RYR2: variants seen among roughly 807,000 people sequenced by gnomAD.
The protein encoded by RYR2 is cardiac muscle ryanodine receptor-calcium release channel.
A neutral mutation model predicts 601.1 loss-of-function variants in RYR2; 227 were observed. That is an observed-to-expected ratio of 0.38 (90% CI 0.34 to 0.42). The LOEUF is 0.42. Ranked by LOEUF, RYR2 falls within the 10% of genes least tolerant of loss-of-function variation. The pLI, the probability that RYR2 is intolerant of heterozygous loss-of-function variation, is 1.00. For missense variants in RYR2, 4,646 were observed against 6,156.5 expected, an observed-to-expected ratio of 0.75 and a Z score of 8.21; for synonymous variants, 2,223 against 2,175.1, an observed-to-expected ratio of 1.02 and a Z score of -0.61.
chr1:237,055,980 GAGCACTGCATCTGTGAGGACTGC>G (rs1263116033), intron 1 of RYR2, among the ~76,000 whole-genome samples: 1 of 151,326 alleles, frequency 6.6e-6, no homozygotes, highest in Non-Finnish European at 1.5e-5. Context: ...GAGAGGACTG[GAGCACTGCATCTGTGAGGACTGC>G]AGCACTGCAC....
intron 1 of RYR2, among the ~76,000 whole-genome samples, chr1:237,064,751 CTTTTTTTTTTTTTTT>C (rs551797601): frequency 3.6e-5 from 4 of 110,008 alleles, no homozygotes; most frequent in African/African-American, 1.2e-4. Flanking sequence ...TAGAACCTGT[CTTTTTTTTTTTTTTT>C]TTTTTTTTTT....
chr1:237,472,108 G>C (rs1660792047), intron 17 of RYR2, among the ~76,000 whole-genome samples: 1 of 152,110 alleles, frequency 6.6e-6, no homozygotes, highest in African/African-American at 2.4e-5. Flanking sequence ...TTAATGAACT[G>C]TTTTTTCTCC....
intron 32 of RYR2, among the ~76,000 whole-genome samples, chr1:237,592,288 G>T (rs759015028): frequency 6.6e-6 from 1 of 152,122 alleles, no homozygotes; most frequent in Non-Finnish European, 1.5e-5. Context: ...TGTGTTCATT[G>T]TAGAGTGATC....
chr1:237,624,694 C>T (rs1353723486), intron 39 of RYR2, among the ~76,000 whole-genome samples: 1 of 152,114 alleles, frequency 6.6e-6, no homozygotes, highest in Non-Finnish European at 1.5e-5. Context: ...AGTCTCCCCT[C>T]CTTTTATTCT....
chr1:237,398,844 G>C (rs965345654), intron 10 of RYR2, among the ~76,000 whole-genome samples: 21 of 152,170 alleles, frequency 1.4e-4, no homozygotes, highest in African/African-American at 5.1e-4. Context: ...ATCAGCTGTG[G>C]TATGTCCATA....
At chr1:237,122,536 G>T (rs900071337) in intron 1 of RYR2, among the ~76,000 whole-genome samples, 3 of 152,154 alleles carry the variant, frequency 2.0e-5, no homozygotes, top group Non-Finnish European at 4.4e-5. Context: ...AGAACAATCA[G>T]CCAGGCGTGG....
In RYR2 at chr1:237,511,691, A is replaced by G; in HGVS notation, c.2722A>G (p.Arg908Gly). 6.4e-7 allele frequency: 1 copy of G among 1,563,902 alleles called. No individual in the cohort carries two copies. Among genetic ancestry groups the G allele is most frequent in the Non-Finnish European group, 8.7e-7 (1 of 1,152,400 alleles). Reference protein sequence around the residue: ...IELGWQYGPVRDDNKRQHPCL... With the variant: ...IELGWQYGPVGDDNKRQHPCL... ...TCAATTTCCTGTCCTGTTTCAGGTT[A>G]GAGATGACAACAAGAGACAACACCC... Residue 908 changes from arginine to glycine, a missense_variant, in exon 24 of 105, where the codon AGA becomes GGA. Transcript: ENST00000366574.
chr1:237,440,744 G>A (rs1019022413), intron 12 of RYR2, among the ~76,000 whole-genome samples: 7 of 152,090 alleles, frequency 4.6e-5, no homozygotes, highest in East Asian at 1.9e-4. Context: ...CGTTGTCACC[G>A]TTATTATTGT....
At chr1:237,299,412 G>A (rs1693129346) in intron 2 of RYR2, among the ~76,000 whole-genome samples, 1 of 152,154 alleles carries the variant, frequency 6.6e-6, no homozygotes, top group Non-Finnish European at 1.5e-5. Context: ...GGGTTAATAA[G>A]AGAAGGAATT....
chr1:237,801,993 TG>T, intron 98 of RYR2, 77 bp downstream of exon 98: 1 of 845,122 alleles, frequency 1.2e-6, no homozygotes, highest in Non-Finnish European at 2.0e-6. Flanking sequence ...GATGGAAGGC[TG>T]GTTATTTAGA....
At chr1:237,411,569 C>T (rs1208208856) in intron 10 of RYR2, among the ~76,000 whole-genome samples, 1 of 152,138 alleles carries the variant, frequency 6.6e-6, no homozygotes, top group Non-Finnish European at 1.5e-5. Context: ...TCATCACCAT[C>T]ACCATCTGCA....
chr1:237,657,875 T>C (rs912863280), intron 53 of RYR2, 69 bp from the exon 54 acceptor site: 5 of 839,160 alleles, frequency 6.0e-6, no homozygotes, highest in Non-Finnish European at 9.4e-6. Flanking sequence ...AAGCTGTGAG[T>C]AAATTATTAA....
intron 36 of RYR2, among the ~76,000 whole-genome samples, chr1:237,612,037 T>C (rs1324664029): frequency 6.6e-6 from 1 of 152,114 alleles, no homozygotes; most frequent in Non-Finnish European, 1.5e-5. Context: ...CACCAGCTTA[T>C]GAGTCAATAA....
intron 62 of RYR2, among the ~76,000 whole-genome samples, chr1:237,684,667 C>T (rs916948634): frequency 3.3e-5 from 5 of 151,936 alleles, no homozygotes; most frequent in African/African-American, 9.7e-5. Flanking sequence ...ATAAGGTACC[C>T]GCAGGTCATT....
chr1:237,351,032 C>G (rs1698798285), intron 3 of RYR2, among the ~76,000 whole-genome samples: 1 of 152,012 alleles, frequency 6.6e-6, no homozygotes, highest in African/African-American at 2.4e-5. Context: ...AAGCAAATTT[C>G]AAAGGTTTGA....
At chr1:237,456,474 TTTATGA>T in intron 15 of RYR2, 120 bp from the exon 16 acceptor site, 1 of 995,856 alleles carries the variant, frequency 1.0e-6, no homozygotes, top group Non-Finnish European at 1.4e-6. Context: ...CACAGTTTTC[TTTATGA>T]TTAGTAGATG....
intron 1 of RYR2, among the ~76,000 whole-genome samples, chr1:237,087,640 A>G (rs1204446396): frequency 2.0e-5 from 3 of 152,080 alleles, no homozygotes; most frequent in Admixed American, 2.0e-4. Context: ...TTAGAAACCA[A>G]GTGCATGGAA....
chr1:237,259,764 G>C (rs921779762), intron 1 of RYR2, among the ~76,000 whole-genome samples: 6 of 152,122 alleles, frequency 3.9e-5, no homozygotes, highest in Non-Finnish European at 2.9e-5. Context: ...TAAAATGTGA[G>C]GACTGAAGGC....
chr1:237,642,245 C>T (rs895303532), intron 47 of RYR2, among the ~76,000 whole-genome samples: 1 of 152,042 alleles, frequency 6.6e-6, no homozygotes, highest in African/African-American at 2.4e-5. Context: ...GTTAAAACTT[C>T]CTTGATGTAC....
Sources: allele counts gnomAD v4.1 joint callset (sites outside exome capture counted in the v4.1 genomes callset), GRCh38; gene constraint gnomAD v4.1.1; transcripts MANE v1.5; gene names NCBI Gene and HGNC (gene_info 2026-07-23, HGNC 2026-07-21).